The following ACVR1 variants were observed in gnomAD, a reference collection of about 807,000 sequenced individuals.
ACVR1 encodes activin receptor type-1.
A neutral mutation model predicts 57.1 loss-of-function variants in ACVR1; 38 were observed. The observed-to-expected ratio is 0.67, with a 90% confidence interval of 0.51 to 0.87. The LOEUF (loss-of-function observed/expected upper bound fraction) is 0.87. ACVR1 is among the 40% of genes least tolerant of loss of function. The probability of loss-of-function intolerance (pLI) is 0.00; values close to 1 mark genes in which losing one functional copy is unlikely to be tolerated. For missense variants in ACVR1, 463 were observed against 638.2 expected (o/e 0.73, Z 2.96); for synonymous variants, 212 against 228.1 (o/e 0.93, Z 0.63).
intron 6 of ACVR1, among the ~76,000 whole-genome samples, chr2:157,773,389 T>C (rs1686144567): frequency 6.6e-6 from 1 of 152,156 alleles, no homozygotes; most frequent in Admixed American, 6.5e-5. Flanking sequence ...AAAGAAGCAA[T>C]GTGTGCAAAA....
chr2:157,828,883 C>T (rs1277230738), intron 1 of ACVR1, among the ~76,000 whole-genome samples: 1 of 152,092 alleles, frequency 6.6e-6, no homozygotes, highest in African/African-American at 2.4e-5. Context: ...TTTTGTGCCT[C>T]AGCCTCCTGA....
intron 1 of ACVR1, among the ~76,000 whole-genome samples, chr2:157,848,924 T>C (rs1036555896): frequency 3.3e-5 from 5 of 152,156 alleles, no homozygotes; most frequent in Admixed American, 6.6e-5. Context: ...TGAGTGTTGC[T>C]GTCATAACTA....
At chr2:157,805,330 C>A (rs1687479768) in intron 2 of ACVR1, among the ~76,000 whole-genome samples, 1 of 152,164 alleles carries the variant, frequency 6.6e-6, no homozygotes, top group Admixed American at 6.5e-5. Context: ...ATACTCTTCT[C>A]AATTCAATTT....
At position 157,744,390 on chromosome 2, in the gene ACVR1, A is replaced by C. The variant is rs79402949; in HGVS notation, c.1265-5820T>G. Among the ~76,000 whole-genome samples the C allele has an allele frequency of 4.1e-3, 632 of 152,354 alleles. 4 individuals carry two copies. The highest frequency in any genetic ancestry group is 0.014 in the African/African-American group (589 of 41,574). On this transcript the variant is annotated intron_variant, in intron 9 of 10. Transcript: ENST00000434821. ...GTGTTTCCTTCAGGTGTGGCACGTG[A>C]GAAAATTTGATGTGGTTCATGGACT...
intron 9 of ACVR1, among the ~76,000 whole-genome samples, chr2:157,742,058 T>C (rs1187094101): frequency 2.0e-5 from 3 of 151,792 alleles, no homozygotes; most frequent in African/African-American, 7.3e-5. Context: ...AATAGGTGCA[T>C]GTGGTGGCAG....
At chr2:157,763,086 C>A (rs1456359592) in intron 8 of ACVR1, among the ~76,000 whole-genome samples, 3 of 152,128 alleles carry the variant, frequency 2.0e-5, no homozygotes, top group African/African-American at 7.2e-5. Context: ...GACAAAACAA[C>A]CGGATGCAAT....
chr2:157,757,519 T>C (rs1310199835), intron 9 of ACVR1, among the ~76,000 whole-genome samples: 2 of 151,850 alleles, frequency 1.3e-5, no homozygotes, highest in African/African-American at 2.4e-5. Context: ...TCAAGTCATA[T>C]ATAAAAGACT....
At chr2:157,836,247 G>A (rs568134821) in intron 1 of ACVR1, among the ~76,000 whole-genome samples, 1 of 152,160 alleles carries the variant, frequency 6.6e-6, no homozygotes, top group South Asian at 2.1e-4. Flanking sequence ...CTAACATAAA[G>A]GCTTTATCTG....
chr2:157,814,517 C>T (rs888830862), intron 2 of ACVR1, among the ~76,000 whole-genome samples: 6 of 152,120 alleles, frequency 3.9e-5, no homozygotes, highest in African/African-American at 1.4e-4. Flanking sequence ...CTGTTCTCAC[C>T]CATCGTTGTT....
At chr2:157,858,230 G>A (rs573161404) in intron 1 of ACVR1, among the ~76,000 whole-genome samples, 3 of 152,082 alleles carry the variant, frequency 2.0e-5, no homozygotes, top group South Asian at 4.2e-4. Context: ...TCTCTATGGC[G>A]ATAGGAGCCT....
At chr2:157,792,196 TTTA>T (rs1220071533) in intron 3 of ACVR1, among the ~76,000 whole-genome samples, 1 of 152,060 alleles carries the variant, frequency 6.6e-6, no homozygotes, top group African/African-American at 2.4e-5. Flanking sequence ...CATTCTTCCT[TTTA>T]TTGTTTCTCT....
chr2:157,751,937 C>T (rs1031963975), intron 9 of ACVR1, among the ~76,000 whole-genome samples: 2 of 152,196 alleles, frequency 1.3e-5, no homozygotes, highest in African/African-American at 4.8e-5. Context: ...ACCTGATCCT[C>T]CCCTATACTA....
rs938205552 is a variant in ACVR1, at chr2:157,804,459, A to G, written c.-7-4959T>C. On this transcript the variant is annotated intron_variant, in intron 2 of 10. Transcript: ENST00000434821. ...CTTGTATGAAGGTAGTCATAGCTGC[A>G]TATCTTGCTTGGGTTCAACTAAATC... Among the ~76,000 whole-genome samples the G allele has an allele frequency of 4.6e-5, 7 of 152,232 alleles. No individual in the cohort carries two copies. The South Asian group carries it at 1.2e-3, about 27-fold the overall frequency.
At chr2:157,737,743 T>C in intron 10 of ACVR1, 78 bp from the exon 11 acceptor site, 1 of 1,576,004 alleles carries the variant, frequency 6.3e-7, no homozygotes. Flanking sequence ...ATATCATGTC[T>C]ACTATTCTGA....
At chr2:157,746,451 G>A (rs1020301386) in intron 9 of ACVR1, among the ~76,000 whole-genome samples, 1 of 152,170 alleles carries the variant, frequency 6.6e-6, no homozygotes. Flanking sequence ...ACACAGCTCC[G>A]GAGTGCACTC....
chr2:157,745,221 G>T (rs1402160526), intron 9 of ACVR1, among the ~76,000 whole-genome samples: 1 of 152,094 alleles, frequency 6.6e-6, no homozygotes, highest in African/African-American at 2.4e-5. Context: ...AAAGGAGAGG[G>T]CAAAAAGCCT....
chr2:157,775,118 T>G lies in ACVR1; in HGVS notation c.544-931A>C, dbSNP rs550671838. Among the ~76,000 whole-genome samples, 4 of 152,342 alleles carry G rather than the reference T, an allele frequency of 2.6e-5. No individual in the cohort carries two copies. The South Asian group carries it at 6.2e-4, about 24-fold the overall frequency. ...TTGGTAAGCGCAGGCAGCAACGGGC[T>G]GCCTGGATGGAGGTTTCCTTTTAGG... On this transcript the variant is annotated intron_variant, in intron 5 of 10. Transcript: ENST00000434821.
At position 157,737,164 on chromosome 2, in the gene ACVR1, T is replaced by G; in HGVS notation, c.*367A>C. On this transcript the variant is annotated 3_prime_UTR_variant, in exon 11 of 11. Coordinates refer to ENST00000434821, the MANE Select transcript of ACVR1 (RefSeq NM_001111067.4). ...GCTGATTAAAAATTCACCACCTCCT[T>G]GAGTTTCCCGTGGGGAGTGTCTAGG... The G allele has an allele frequency of 2.9e-6, 1 of 346,170 alleles. No individual in the cohort carries two copies. Among genetic ancestry groups the G allele is most frequent in the Non-Finnish European group, 5.4e-6 (1 of 185,608 alleles). 21.4% of individuals were successfully genotyped at this position (346,170 alleles called of 1,614,324 possible).
intron 2 of ACVR1, among the ~76,000 whole-genome samples, chr2:157,809,152 A>T (rs1330547009): frequency 6.6e-6 from 1 of 152,162 alleles, no homozygotes; most frequent in South Asian, 2.1e-4. Flanking sequence ...AGTTATTTAA[A>T]CTTTGTAAAG....
Sources: allele counts gnomAD v4.1 joint callset (sites outside exome capture counted in the v4.1 genomes callset), GRCh38; gene constraint gnomAD v4.1.1; transcripts MANE v1.5; gene names NCBI Gene and HGNC (gene_info 2026-07-23, HGNC 2026-07-21).